The following HTR1F variants were observed in gnomAD, a reference collection of about 807,000 sequenced individuals.
HTR1F encodes 5-hydroxytryptamine receptor 1F, also known as 5-hydroxytryptamine (serotonin) receptor 1F, G protein-coupled.
In HTR1F, 17 loss-of-function variants were observed where a neutral mutation model predicts 24.0. The observed-to-expected ratio is 0.71, with a 90% CI of 0.48 to 1.06. HTR1F has a LOEUF of 1.06. HTR1F is among the 50% of genes least tolerant of loss of function. The pLI, the probability that HTR1F is intolerant of heterozygous loss-of-function variation, is 0.00. For missense variants in HTR1F, 391 were observed against 427.8 expected (o/e 0.91, Z 0.76); for synonymous variants, 186 against 156.8 (o/e 1.19, Z -1.39).
intron 2 of HTR1F, among the ~76,000 whole-genome samples, chr3:87,867,056 G>A (rs925316976): frequency 7.9e-5 from 12 of 151,764 alleles, no homozygotes; most frequent in African/African-American, 2.9e-4. Context: ...TTTATGAGAA[G>A]TATTACAGAA....
At chr3:87,908,746 G>T (rs1385181092) in intron 2 of HTR1F, among the ~76,000 whole-genome samples, 6 of 151,970 alleles carry the variant, frequency 3.9e-5, no homozygotes, top group African/African-American at 9.7e-5. Context: ...ACTTGTGTGG[G>T]TATTTGTGAA....
chr3:87,845,892 A>G (rs1271790282), intron 2 of HTR1F, among the ~76,000 whole-genome samples: 1 of 151,904 alleles, frequency 6.6e-6, no homozygotes, highest in South Asian at 2.1e-4. Flanking sequence ...TTCACTCACA[A>G]ATTTGTCCAT....
Position 87,935,198 on chromosome 3 carries a change from T to C in HTR1F, c.-42-55510T>C, listed in dbSNP as rs557592850. ...CGGTTACTTCACAAAAGCTGGACTC[T>C]AAAGGCAGAGACAACAACGTGAGAA... On this transcript the variant is annotated intron_variant, in intron 2 of 2. Transcript: ENST00000319595. Among the ~76,000 whole-genome samples the C allele has an allele frequency of 1.6e-4, 25 of 152,262 alleles. No individual in the cohort carries two copies. The East Asian group carries it at 4.8e-3, about 29-fold the overall frequency.
chr3:87,826,589 C>T (rs1052184188), intron 2 of HTR1F, among the ~76,000 whole-genome samples: 2 of 152,212 alleles, frequency 1.3e-5, no homozygotes, highest in African/African-American at 4.8e-5. Flanking sequence ...TAAAGCATTG[C>T]CAACCTTTGC....
chr3:87,907,784 A>G (rs2107341474), intron 2 of HTR1F, among the ~76,000 whole-genome samples: 1 of 152,148 alleles, frequency 6.6e-6, no homozygotes, highest in East Asian at 1.9e-4. Context: ...GGTAAGTAAT[A>G]ACATGGTTTC....
At chr3:87,978,675 C>A (rs1416748781) in intron 2 of HTR1F, among the ~76,000 whole-genome samples, 1 of 151,932 alleles carries the variant, frequency 6.6e-6, no homozygotes, top group African/African-American at 2.4e-5. Context: ...CAGGTCATCC[C>A]AATGTCTCTG....
chr3:87,809,282 T>C (rs1385434792), intron 1 of HTR1F, among the ~76,000 whole-genome samples: 1 of 151,902 alleles, frequency 6.6e-6, no homozygotes, highest in Non-Finnish European at 1.5e-5. Context: ...TTTAGAGAGA[T>C]AGTCCATTTG....
At chr3:87,971,464 T>C (rs1385656754) in intron 2 of HTR1F, among the ~76,000 whole-genome samples, 5 of 151,908 alleles carry the variant, frequency 3.3e-5, no homozygotes, top group Non-Finnish European at 7.4e-5. Context: ...GAGTCTGAGG[T>C]GGGAGGATCA....
intron 2 of HTR1F, among the ~76,000 whole-genome samples, chr3:87,865,964 A>T (rs1705418197): frequency 6.6e-6 from 1 of 152,160 alleles, no homozygotes; most frequent in Admixed American, 6.5e-5. Context: ...CCAGCAATGA[A>T]TGAGGGTTTC....
At chr3:87,888,404 A>G (rs1706006090) in intron 2 of HTR1F, among the ~76,000 whole-genome samples, 2 of 152,180 alleles carry the variant, frequency 1.3e-5, no homozygotes, top group South Asian at 4.1e-4. Flanking sequence ...TCAACATGGC[A>G]CATGTATACC....
intron 2 of HTR1F, among the ~76,000 whole-genome samples, chr3:87,879,819 T>A (rs1301573689): frequency 1.3e-5 from 2 of 152,142 alleles, no homozygotes; most frequent in Non-Finnish European, 2.9e-5. Flanking sequence ...CATCAGCCTA[T>A]CTTATTTCTC....
chr3:87,795,490 T>A (rs1703888838), intron 1 of HTR1F, among the ~76,000 whole-genome samples: 1 of 152,200 alleles, frequency 6.6e-6, no homozygotes, highest in African/African-American at 2.4e-5. Context: ...ATTCTCTTTT[T>A]TTTCCAATAT....
intron 2 of HTR1F, among the ~76,000 whole-genome samples, chr3:87,911,170 C>T (rs1350721525): frequency 1.3e-5 from 2 of 151,778 alleles, no homozygotes; most frequent in African/African-American, 2.4e-5. Context: ...GAAAGATCCA[C>T]AAATCTAGGA....
chr3:87,858,912 T>G (rs1319254817), intron 2 of HTR1F, among the ~76,000 whole-genome samples: 1 of 152,148 alleles, frequency 6.6e-6, no homozygotes, highest in Non-Finnish European at 1.5e-5. Flanking sequence ...TAAGAAATTT[T>G]GGGCTGGATG....
chr3:87,886,634 C>T (rs966734026), intron 2 of HTR1F, among the ~76,000 whole-genome samples: 10 of 152,198 alleles, frequency 6.6e-5, no homozygotes, highest in African/African-American at 2.4e-4. Context: ...ATAAGCAACT[C>T]AGCAAAGTCT....
chr3:87,860,340 G>T (rs139702884), intron 2 of HTR1F, among the ~76,000 whole-genome samples: 1 of 152,282 alleles, frequency 6.6e-6, no homozygotes, highest in Non-Finnish European at 1.5e-5. Flanking sequence ...GACACACTGA[G>T]TTGTAGTTTT....
intron 2 of HTR1F, among the ~76,000 whole-genome samples, chr3:87,981,690 G>C (rs1705547812): frequency 6.6e-6 from 1 of 152,066 alleles, no homozygotes; most frequent in Non-Finnish European, 1.5e-5. Flanking sequence ...AAAGCAAATA[G>C]TACAACCTAC....
chr3:87,941,045 G>A (rs902180085), intron 2 of HTR1F, among the ~76,000 whole-genome samples: 2 of 152,196 alleles, frequency 1.3e-5, no homozygotes, highest in African/African-American at 4.8e-5. Context: ...CTTTGGACCT[G>A]TGTAAGGACT....
chr3:87,983,199 AG>A (rs898438764), intron 2 of HTR1F, among the ~76,000 whole-genome samples: 19 of 152,206 alleles, frequency 1.2e-4, no homozygotes, highest in African/African-American at 4.6e-4. Flanking sequence ...AAAGCCAAAA[AG>A]TTAAGTGTAC....
Sources: allele counts gnomAD v4.1 joint callset (sites outside exome capture counted in the v4.1 genomes callset), GRCh38; gene constraint gnomAD v4.1.1; transcripts MANE v1.5; gene names NCBI Gene and HGNC (gene_info 2026-07-23, HGNC 2026-07-21).